LRFN5: variants seen among roughly 807,000 people sequenced by gnomAD.
LRFN5 encodes the protein leucine rich repeat and fibronectin type III domain containing 5.
A neutral mutation model predicts 45.6 loss-of-function variants in LRFN5; 24 were observed. The ratio of observed to expected loss-of-function variants is 0.53; its 90% CI spans 0.38 to 0.74. The LOEUF is 0.74. Ranked by LOEUF, LRFN5 falls within the 30% of genes least tolerant of loss-of-function variation. The pLI is 0.00. For missense variants in LRFN5, 776 were observed against 861.5 expected (o/e 0.90, Z 1.24); for synonymous variants, 340 against 313.8 (o/e 1.08, Z -0.88).
intron 1 of LRFN5, among the ~76,000 whole-genome samples, chr14:41,750,244 T>A (rs1168671619): frequency 6.7e-6 from 1 of 149,582 alleles, no homozygotes; most frequent in Non-Finnish European, 1.5e-5. Flanking sequence ...TAGTTGGAAT[T>A]TCTTGAGGCT....
At chr14:41,772,336 A>C (rs1886120363) in intron 2 of LRFN5, among the ~76,000 whole-genome samples, 1 of 152,216 alleles carries the variant, frequency 6.6e-6, no homozygotes, top group South Asian at 2.1e-4. Flanking sequence ...TGATAGATAT[A>C]TTTTCATGTT....
intron 1 of LRFN5, among the ~76,000 whole-genome samples, chr14:41,740,720 A>C (rs1173492343): frequency 6.6e-6 from 1 of 151,926 alleles, no homozygotes; most frequent in East Asian, 1.9e-4. Context: ...AGATTAGAAA[A>C]AAGAAATAAA....
chr14:41,903,501 A>G (rs1891160582), intron 5 of LRFN5, among the ~76,000 whole-genome samples: 1 of 151,396 alleles, frequency 6.6e-6, no homozygotes, highest in Non-Finnish European at 1.5e-5. Context: ...TAAATCCATG[A>G]AGACTGAGAA....
intron 2 of LRFN5, among the ~76,000 whole-genome samples, chr14:41,832,307 A>G (rs1426420075): frequency 6.6e-6 from 1 of 152,156 alleles, no homozygotes; most frequent in Non-Finnish European, 1.5e-5. Flanking sequence ...TAATCACAGG[A>G]TGTAAAAGTA....
At chr14:41,756,549 C>T (rs180924127) in intron 1 of LRFN5, among the ~76,000 whole-genome samples, 21 of 152,314 alleles carry the variant, frequency 1.4e-4, no homozygotes, top group South Asian at 2.1e-4. Flanking sequence ...TTGATCGAAT[C>T]GGCTACTGAG....
rs181518909 is a variant in LRFN5, at chr14:41,674,699, G to T, written c.-197+66137G>T. On this transcript the variant is annotated intron_variant, in intron 1 of 5. Coordinates refer to ENST00000298119, the MANE Select transcript of LRFN5 (RefSeq NM_152447.5). ...GGATGGGACGGCTGGCTGGGCGGGG[G>T]GCTGACCCCCCTACCTCCCTCCCGG... Among the ~76,000 whole-genome samples, 1,373 of 151,284 alleles carry T rather than the reference G, an allele frequency of 9.1e-3. 20 individuals carry two copies. The highest frequency in any genetic ancestry group is 0.031 in the African/African-American group (1,270 of 41,286).
At chr14:41,777,106 A>G (rs898218352) in intron 2 of LRFN5, among the ~76,000 whole-genome samples, 4 of 151,844 alleles carry the variant, frequency 2.6e-5, no homozygotes, top group African/African-American at 9.7e-5. Context: ...CCTATTTGTA[A>G]TATGTCTCAA....
At chr14:41,612,498 T>C (rs1266252532) in intron 1 of LRFN5, among the ~76,000 whole-genome samples, 2 of 152,144 alleles carry the variant, frequency 1.3e-5, no homozygotes, top group Non-Finnish European at 2.9e-5. Flanking sequence ...AGAGTAAAAC[T>C]GGAAATTTGG....
chr14:41,611,447 T>G (rs931752272), intron 1 of LRFN5, among the ~76,000 whole-genome samples: 1 of 152,190 alleles, frequency 6.6e-6, no homozygotes, highest in Non-Finnish European at 1.5e-5. Flanking sequence ...GGTTCATTGA[T>G]GAGTTAACAC....
chr14:41,817,953 A>T (rs1887977927), intron 2 of LRFN5, among the ~76,000 whole-genome samples: 1 of 152,136 alleles, frequency 6.6e-6, no homozygotes, highest in Non-Finnish European at 1.5e-5. Flanking sequence ...TCTGCATCCC[A>T]TCATGAAACC....
At chr14:41,626,166 T>C (rs529575681) in intron 1 of LRFN5, among the ~76,000 whole-genome samples, 1 of 152,076 alleles carries the variant, frequency 6.6e-6, no homozygotes, top group African/African-American at 2.4e-5. Context: ...AAATTCATAG[T>C]AATAAAAAAC....
At chr14:41,815,701 G>T (rs1887893324) in intron 2 of LRFN5, among the ~76,000 whole-genome samples, 1 of 152,142 alleles carries the variant, frequency 6.6e-6, no homozygotes, top group Non-Finnish European at 1.5e-5. Context: ...GTGCCACTGA[G>T]TGCCACTGCA....
intron 2 of LRFN5, among the ~76,000 whole-genome samples, chr14:41,858,359 C>G (rs564201411): frequency 1.3e-5 from 2 of 152,100 alleles, no homozygotes; most frequent in Non-Finnish European, 2.9e-5. Context: ...CCTTTAGACA[C>G]GCATTCTCTC....
intron 2 of LRFN5, among the ~76,000 whole-genome samples, chr14:41,785,784 A>G (rs1178761354): frequency 1.3e-5 from 2 of 152,184 alleles, no homozygotes; most frequent in African/African-American, 4.8e-5. Flanking sequence ...ATCATCAGGC[A>G]TTAGATTTGT....
At chr14:41,846,875 A>G (rs1253071166) in intron 2 of LRFN5, among the ~76,000 whole-genome samples, 1 of 152,066 alleles carries the variant, frequency 6.6e-6, no homozygotes, top group Non-Finnish European at 1.5e-5. Flanking sequence ...CATGTCACCC[A>G]TATTCTTGGT....
intron 2 of LRFN5, among the ~76,000 whole-genome samples, chr14:41,834,809 TGCAC>T (rs1888605561): frequency 6.6e-6 from 1 of 151,984 alleles, no homozygotes; most frequent in Admixed American, 6.6e-5. Context: ...ACTACAGGCA[TGCAC>T]CACCATACCT....
chr14:41,880,169 T>C (rs1475320312), intron 2 of LRFN5, among the ~76,000 whole-genome samples: 5 of 151,516 alleles, frequency 3.3e-5, no homozygotes, highest in Middle Eastern at 3.4e-3. Flanking sequence ...CCTCGTGATC[T>C]GCCCGCCTTG....
chr14:41,869,554 C>T (rs939023219), intron 2 of LRFN5, among the ~76,000 whole-genome samples: 1 of 151,766 alleles, frequency 6.6e-6, no homozygotes, highest in Non-Finnish European at 1.5e-5. Flanking sequence ...TAGTTTTTTA[C>T]ATAGTTGTAT....
At chr14:41,746,312 A>T (rs1292386012) in intron 1 of LRFN5, among the ~76,000 whole-genome samples, 1 of 151,988 alleles carries the variant, frequency 6.6e-6, no homozygotes, top group Non-Finnish European at 1.5e-5. Context: ...TCTTTTCCTG[A>T]TACAAAACAC....
Sources: gnomAD v4.1 joint callset for allele counts (sites outside exome capture counted in the v4.1 genomes callset) on GRCh38, gnomAD v4.1.1 for gene constraint, MANE v1.5 for transcripts, NCBI Gene and HGNC (gene_info 2026-07-23, HGNC 2026-07-21) for gene names.